The following POU2F2 variants were observed in gnomAD, a reference collection of about 807,000 sequenced individuals.
POU2F2 encodes POU domain, class 2, transcription factor 2.
POU2F2 carries 14 observed loss-of-function variants against 63.5 expected under a neutral mutation model. The ratio of observed to expected loss-of-function variants is 0.22; its 90% CI spans 0.15 to 0.34. The LOEUF is 0.34. Ranked by LOEUF, POU2F2 falls within the 10% of genes least tolerant of loss-of-function variation. The pLI, the probability that POU2F2 is intolerant of heterozygous loss-of-function variation, is 1.00. For missense variants in POU2F2, 607 were observed against 815.2 expected (o/e 0.74, Z 3.11); for synonymous variants, 306 against 348.6 (o/e 0.88, Z 1.36).
intron 5 of POU2F2, among the ~76,000 whole-genome samples, chr19:42,111,980 C>A (rs1335423376): frequency 6.6e-6 from 1 of 152,182 alleles, no homozygotes; most frequent in Non-Finnish European, 1.5e-5. Flanking sequence ...GCGATCAGGG[C>A]AGAATACCAC....
rs756252481 is a variant in POU2F2, at chr19:42,092,082, T to C, written c.1453A>G (p.Asn485Asp). ...SHSAIGLSGL[N>D]PSTGSTMVGL... ...GCACCCACTTACCCCGTGCTGGGGTTCAGGCCTGACAAGCCGATAGCCGAG... is the reference window on the plus strand; with the variant it reads ...GCACCCACTTACCCCGTGCTGGGGTCCAGGCCTGACAAGCCGATAGCCGAG... Residue 485 changes from asparagine to aspartate, a missense_variant, in exon 13 of 15, where the codon AAC becomes GAC. By Grantham distance (23) the Asn-to-Asp change is conservative. Coordinates refer to ENST00000692977, the MANE Select transcript of POU2F2 (RefSeq NM_001394376.1). This position sits in a 1 kb window ranked among gnomAD's most constrained non-coding sequence, Gnocchi z 5.0. 26 of 1,596,984 alleles carry C rather than the reference T, an allele frequency of 1.6e-5. No homozygotes were observed. The highest frequency in any genetic ancestry group is 2.2e-5 in the Non-Finnish European group (26 of 1,173,026).
chr19:42,167,437 G>A (rs999059767), intron 1 of POU2F2, among the ~76,000 whole-genome samples: 5 of 150,514 alleles, frequency 3.3e-5, no homozygotes, highest in African/African-American at 1.2e-4. Context: ...CTGGGCAACA[G>A]AGCAACACTC....
At chr19:42,149,926 C>T (rs2034307920) in intron 2 of POU2F2, among the ~76,000 whole-genome samples, 1 of 152,164 alleles carries the variant, frequency 6.6e-6, no homozygotes, top group Non-Finnish European at 1.5e-5. Flanking sequence ...CAGCTGCCTC[C>T]CAAAGAAAAG....
chr19:42,154,696 C>T (rs2034423601), intron 2 of POU2F2, among the ~76,000 whole-genome samples: 1 of 152,076 alleles, frequency 6.6e-6, no homozygotes, highest in African/African-American at 2.4e-5. Context: ...TGGTAACCCA[C>T]TAGAGACTCT....
At chr19:42,107,070 G>A (rs965443620) in intron 5 of POU2F2, among the ~76,000 whole-genome samples, 1 of 152,018 alleles carries the variant, frequency 6.6e-6, no homozygotes, top group Non-Finnish European at 1.5e-5. Context: ...AAATTTGGCT[G>A]GGTGCGGTGG....
rs994800764 is a variant in POU2F2, at chr19:42,091,107, T to C, written c.*150A>G. The C allele has an allele frequency of 2.1e-5, 12 of 585,174 alleles. No homozygotes were observed. The African/African-American group carries it at 2.3e-4, about 11-fold the overall frequency. The allele number at this position is 585,174 out of a possible 1,614,324, so 36.2% of individuals were successfully genotyped here. A position where few individuals can be genotyped will look rare whatever the true frequency, so the allele number is the denominator to read the frequency against. ...TTAGTTTCTTTCCTTTTTTTTTTTTTTTTTGGTTGGTTGTTTTTTTGGTCT... is the reference window on the plus strand; with the variant it reads ...TTAGTTTCTTTCCTTTTTTTTTTTTCTTTTGGTTGGTTGTTTTTTTGGTCT... On this transcript the variant is annotated 3_prime_UTR_variant, in exon 15 of 15. Transcript: ENST00000692977.
chr19:42,166,667 G>A (rs1360060763), intron 1 of POU2F2, among the ~76,000 whole-genome samples: 1 of 152,124 alleles, frequency 6.6e-6, no homozygotes, highest in East Asian at 1.9e-4. Context: ...TGGGAGTAAG[G>A]AGGAGTTGAT....
At chr19:42,120,752 A>G (rs1420087227) in intron 4 of POU2F2, among the ~76,000 whole-genome samples, 1 of 152,242 alleles carries the variant, frequency 6.6e-6, no homozygotes, top group African/African-American at 2.4e-5. Context: ...GTTGAAGCTG[A>G]TTGATGGGTA....
At chr19:42,197,868 C>T (rs1236180505), upstream of POU2F2, among the ~76,000 whole-genome samples, 4 of 152,198 alleles carry the variant, frequency 2.6e-5, no homozygotes, top group Non-Finnish European at 4.4e-5. Flanking sequence ...GCCCACCTCA[C>T]TGAACAAATT....
In POU2F2 at chr19:42,162,020, A is replaced by T. The variant is rs967845911; in HGVS notation, c.-69-1628T>A. ...CAATTAGCCGCGCTGAGTGTTGAAC[A>T]CGGTGGCGACACGGCATTAACCGTC... On this transcript the variant is annotated intron_variant, in intron 1 of 6. Transcript: ENST00000524801. This position sits in a 1 kb window ranked among gnomAD's most constrained non-coding sequence, Gnocchi z 4.1. Among the ~76,000 whole-genome samples, 2 of 144,550 alleles carry T rather than the reference A, an allele frequency of 1.4e-5. No homozygotes were observed. Among genetic ancestry groups the T allele is most frequent in the Non-Finnish European group, 1.5e-5 (1 of 64,784 alleles). The allele number at this position is 144,550 out of a possible 152,430, so 94.8% of individuals were successfully genotyped here.
At chr19:42,137,533 A>G (rs1181540740) in intron 2 of POU2F2, among the ~76,000 whole-genome samples, 2 of 151,946 alleles carry the variant, frequency 1.3e-5, no homozygotes, top group African/African-American at 4.8e-5. Context: ...ACCTGTCTGG[A>G]CAACATATCG....
At chr19:42,165,787 G>T (rs1474592837) in intron 1 of POU2F2, among the ~76,000 whole-genome samples, 2 of 152,170 alleles carry the variant, frequency 1.3e-5, no homozygotes, top group Non-Finnish European at 2.9e-5. Context: ...CAAAAAAGGG[G>T]CAATGAGTGG....
At chr19:42,190,278 T>C (rs1212196680) in intron 1 of POU2F2, among the ~76,000 whole-genome samples, 2 of 117,576 alleles carry the variant, frequency 1.7e-5, no homozygotes, top group Non-Finnish European at 3.7e-5. Context: ...AAAAAATCTT[T>C]ATATATATAT....
At chr19:42,195,691 CTTCG>C (rs1395038255) in intron 1 of POU2F2, among the ~76,000 whole-genome samples, 5 of 146,028 alleles carry the variant, frequency 3.4e-5, no homozygotes, top group Admixed American at 2.8e-4. Context: ...TTCTTCCTTC[CTTCG>C]TTCCTTTTTT....
At chr19:42,110,019 G>A (rs1278485330) in intron 5 of POU2F2, among the ~76,000 whole-genome samples, 1 of 152,086 alleles carries the variant, frequency 6.6e-6, no homozygotes, top group Non-Finnish European at 1.5e-5. Context: ...CACTTTGGGA[G>A]GCTGAGGTGG....
chr19:42,160,813 G>A (rs1487582364), intron 1 of POU2F2, among the ~76,000 whole-genome samples: 2 of 152,170 alleles, frequency 1.3e-5, no homozygotes, highest in African/African-American at 2.4e-5. Context: ...ATTAAATGGT[G>A]TATCTCAAAG....
intron 1 of POU2F2, among the ~76,000 whole-genome samples, chr19:42,185,686 C>T (rs1399624938): frequency 1.2e-4 from 19 of 152,168 alleles, no homozygotes; most frequent in Admixed American, 1.2e-3. Context: ...TAATGTAAAC[C>T]TCCAGTTCAT....
chr19:42,135,536 G>C (rs2033989076), upstream of POU2F2, among the ~76,000 whole-genome samples: 1 of 151,852 alleles, frequency 6.6e-6, no homozygotes. Flanking sequence ...GGGCCATGTG[G>C]TCCCCCAGTG....
At chr19:42,161,453 G>A (rs1253567533) in intron 1 of POU2F2, among the ~76,000 whole-genome samples, 1 of 152,138 alleles carries the variant, frequency 6.6e-6, no homozygotes, top group African/African-American at 2.4e-5. Flanking sequence ...AAGAGGTCAG[G>A]AGGCCCATCC....
Sources: gnomAD v4.1 joint callset for allele counts (sites outside exome capture counted in the v4.1 genomes callset) on GRCh38, gnomAD v4.1.1 for gene constraint, Gnocchi (gnomAD v3.1) non-coding constraint, MANE v1.5 for transcripts, NCBI Gene and HGNC (gene_info 2026-07-23, HGNC 2026-07-21) for gene names.